NAT1: variants seen among roughly 807,000 people sequenced by gnomAD.
NAT1 encodes the protein N-acetyltransferase 1, also known as arylamine N-acetyltransferase 1.
For synonymous variants in NAT1, 144 were observed against 122.6 expected (o/e 1.17, Z -1.16); for missense variants, 400 against 339.2 (o/e 1.18, Z -1.41).
chr8:18,198,748 TCACATGGTGACCATTTCCTTTTGTA>T (rs1803340181), intron 2 of NAT1, among the ~76,000 whole-genome samples: 1 of 152,128 alleles, frequency 6.6e-6, no homozygotes, highest in Non-Finnish European at 1.5e-5. Context: ...ATCCATCACC[TCACATGGTGACCATTTCCTTTTGTA>T]GTGAGAACAC....
intron 2 of NAT1, among the ~76,000 whole-genome samples, chr8:18,175,907 G>T (rs1802278489): frequency 6.6e-6 from 1 of 152,034 alleles, no homozygotes; most frequent in Non-Finnish European, 1.5e-5. Context: ...TATTTTAACA[G>T]ATGTAAGGCA....
chr8:18,193,901 A>G (rs1298902437), intron 2 of NAT1, among the ~76,000 whole-genome samples: 1 of 152,002 alleles, frequency 6.6e-6, no homozygotes, highest in African/African-American at 2.4e-5. Flanking sequence ...TCGGCCTCCC[A>G]AAGTGCTGGG....
At chr8:18,214,873 G>C (rs1214610505) in intron 1 of NAT1, among the ~76,000 whole-genome samples, 1 of 152,146 alleles carries the variant, frequency 6.6e-6, no homozygotes, top group Non-Finnish European at 1.5e-5. Context: ...AGTGTGTGCT[G>C]TTTGCTTCTT....
intron 1 of NAT1, among the ~76,000 whole-genome samples, chr8:18,213,483 G>A (rs1392874049): frequency 6.6e-6 from 1 of 152,130 alleles, no homozygotes; most frequent in East Asian, 1.9e-4. Context: ...CCAGTAAACA[G>A]TAGAAAACTA....
upstream of NAT1, among the ~76,000 whole-genome samples, chr8:18,207,153 G>T (rs563505522): frequency 2.0e-5 from 3 of 152,230 alleles, no homozygotes; most frequent in South Asian, 6.2e-4. Flanking sequence ...GCTTGTTTTT[G>T]TCAGGTTTGT....
At chr8:18,205,234 A>G (rs1218574579), upstream of NAT1, among the ~76,000 whole-genome samples, 1 of 152,184 alleles carries the variant, frequency 6.6e-6, no homozygotes, top group Non-Finnish European at 1.5e-5. Context: ...AGCAGGTGCC[A>G]GAGTGCCTGC....
chr8:18,198,878 T>TG (rs2117284005), intron 2 of NAT1, among the ~76,000 whole-genome samples: 1 of 152,258 alleles, frequency 6.6e-6, no homozygotes, highest in Non-Finnish European at 1.5e-5. Flanking sequence ...GAGTAGGACT[T>TG]GCAATTAGAG....
At chr8:18,172,445 T>C (rs968203276) in intron 2 of NAT1, among the ~76,000 whole-genome samples, 1 of 152,196 alleles carries the variant, frequency 6.6e-6, no homozygotes, top group Non-Finnish European at 1.5e-5. Flanking sequence ...TCCATCCCTG[T>C]CCACCATATA....
intron 2 of NAT1, among the ~76,000 whole-genome samples, chr8:18,221,167 A>G (rs550155636): frequency 8.0e-4 from 122 of 152,186 alleles, no homozygotes; most frequent in Non-Finnish European, 1.4e-3. Context: ...TGCTTCCTGA[A>G]TGTTTTTTGA....
intron 2 of NAT1, among the ~76,000 whole-genome samples, chr8:18,173,883 ATTATAG>A (rs1439783968): frequency 1.3e-5 from 2 of 152,140 alleles, no homozygotes; most frequent in Admixed American, 6.5e-5. Context: ...TGCACCCCAT[ATTATAG>A]TTATAGTTTC....
chr8:18,180,337 G>T (rs1802463913), intron 2 of NAT1, among the ~76,000 whole-genome samples: 1 of 152,148 alleles, frequency 6.6e-6, no homozygotes, highest in Non-Finnish European at 1.5e-5. Context: ...GAGGGGTTGA[G>T]AAATGGTTTT....
At chr8:18,185,821 G>A (rs778948042) in intron 2 of NAT1, among the ~76,000 whole-genome samples, 1 of 151,508 alleles carries the variant, frequency 6.6e-6, no homozygotes, top group South Asian at 2.1e-4. Flanking sequence ...GTATTGCTTC[G>A]GCTATGTCCC....
upstream of NAT1, among the ~76,000 whole-genome samples, chr8:18,208,465 C>T (rs1451709293): frequency 6.6e-6 from 1 of 152,130 alleles, no homozygotes; most frequent in African/African-American, 2.4e-5. Context: ...AGTTGCATTT[C>T]TTTACACCAG....
chr8:18,193,654 T>TTTTC (rs1491532277), intron 2 of NAT1, among the ~76,000 whole-genome samples: 1 of 138,898 alleles, frequency 7.2e-6, no homozygotes, highest in Non-Finnish European at 1.5e-5. Flanking sequence ...TTTTTTTTTT[T>TTTTC]CGAGATGGAC....
intron 2 of NAT1, among the ~76,000 whole-genome samples, chr8:18,172,269 C>G (rs550162752): frequency 8.5e-5 from 13 of 152,248 alleles, no homozygotes; most frequent in South Asian, 8.3e-4. Context: ...CTTTTAAGCT[C>G]CACATGTTTT....
chr8:18,191,169 T>C (rs1413032594), intron 2 of NAT1, among the ~76,000 whole-genome samples: 27 of 152,230 alleles, frequency 1.8e-4, no homozygotes, highest in Non-Finnish European at 4.4e-5. Context: ...GTCTTCCACA[T>C]TCATACAATA....
chr8:18,174,449 C>T (rs1486427253), intron 2 of NAT1, among the ~76,000 whole-genome samples: 1 of 152,092 alleles, frequency 6.6e-6, no homozygotes, highest in African/African-American at 2.4e-5. Flanking sequence ...TGTTTTCTAG[C>T]TACCTTCATA....
At chr8:18,183,129 G>A (rs1343139674) in intron 2 of NAT1, among the ~76,000 whole-genome samples, 1 of 152,096 alleles carries the variant, frequency 6.6e-6, no homozygotes, top group Admixed American at 6.5e-5. Context: ...CAACCAGAGG[G>A]GAGAAGAACG....
intron 2 of NAT1, among the ~76,000 whole-genome samples, chr8:18,187,936 AACACACACACACACACAC>A (rs35203470): frequency 1.5e-4 from 20 of 137,394 alleles, no homozygotes; most frequent in South Asian, 2.6e-4. Flanking sequence ...TTGTATCTTA[AACACACACACACACACAC>A]ACACACACAC....
Sources: allele counts gnomAD v4.1 joint callset (sites outside exome capture counted in the v4.1 genomes callset), GRCh38; gene constraint gnomAD v4.1.1; transcripts MANE v1.5; gene names NCBI Gene and HGNC (gene_info 2026-07-23, HGNC 2026-07-21).